The following FMN1 variants were observed in gnomAD, a reference collection of about 807,000 sequenced individuals.
FMN1 encodes formin 1.
FMN1 carries 110 observed loss-of-function variants against 132.4 expected under a neutral mutation model. The ratio of observed to expected loss-of-function variants is 0.83; its 90% CI spans 0.71 to 0.97. The LOEUF (loss-of-function observed/expected upper bound fraction) is 0.97. Among genes scored for constraint, FMN1 ranks in the 50% least tolerant of loss-of-function variants. FMN1 has a pLI of 0.00. For missense variants in FMN1, 1,792 were observed against 1,705.3 expected (o/e 1.05, Z -0.90); for synonymous variants, 722 against 651.7 (o/e 1.11, Z -1.64).
chr15:32,882,137 C>T (rs2059785953), intron 16 of FMN1, among the ~76,000 whole-genome samples: 1 of 152,112 alleles, frequency 6.6e-6, no homozygotes, highest in Non-Finnish European at 1.5e-5. Flanking sequence ...GAATTCAATC[C>T]AATTTTTATC....
At chr15:32,811,526 A>G (rs114958460) in intron 17 of FMN1, among the ~76,000 whole-genome samples, 2,377 of 150,016 alleles carry the variant, frequency 0.016, 64 homozygotes, top group African/African-American at 0.057. Flanking sequence ...AGGTCTTCAG[A>G]GTCATAAAAT....
At chr15:33,026,271 G>A (rs1036322018) in intron 6 of FMN1, among the ~76,000 whole-genome samples, 1 of 151,990 alleles carries the variant, frequency 6.6e-6, no homozygotes, top group Non-Finnish European at 1.5e-5. Flanking sequence ...CTCAACACTG[G>A]TTTTAAAAAT....
intron 19 of FMN1, among the ~76,000 whole-genome samples, chr15:32,795,270 C>T (rs1369261419): frequency 2.0e-5 from 3 of 152,054 alleles, no homozygotes; most frequent in South Asian, 2.1e-4. Flanking sequence ...AGATGTTTAC[C>T]GATTTCAAGA....
chr15:32,984,978 CAAAAAAAAA>C (rs11330959), intron 7 of FMN1, among the ~76,000 whole-genome samples: 15 of 97,246 alleles, frequency 1.5e-4, no homozygotes, highest in African/African-American at 3.7e-4. Context: ...CATCCATCAC[CAAAAAAAAA>C]AAAAAAAAAA....
intron 16 of FMN1, among the ~76,000 whole-genome samples, chr15:32,857,657 C>T (rs1461121688): frequency 6.6e-6 from 1 of 152,170 alleles, no homozygotes; most frequent in Non-Finnish European, 1.5e-5. Flanking sequence ...TCCCGTTCAC[C>T]TACCCTTCCT....
Position 32,964,095 on chromosome 15 carries a change from A to G in FMN1, c.3138+12T>C. The G allele has an allele frequency of 6.2e-7, 1 of 1,603,018 alleles. No individual in the cohort carries two copies. Among genetic ancestry groups the G allele is most frequent in the Non-Finnish European group, 8.5e-7 (1 of 1,173,066 alleles). On this transcript the variant is annotated intron_variant, in intron 9 of 20. Transcript: ENST00000616417. The stretch of plus-strand genomic sequence containing the variant: ...AATATATAATTACAGCTTTGCCATA[A>G]TCACTCAGTACCTTTTTGACCTTGT...
intron 16 of FMN1, among the ~76,000 whole-genome samples, chr15:32,863,549 A>G (rs769110341): frequency 2.3e-4 from 35 of 152,372 alleles, no homozygotes; most frequent in Middle Eastern, 3.4e-3. Flanking sequence ...TCAGCAAAAG[A>G]AACAGACTAA....
chr15:32,912,510 G>A (rs1189367902), intron 10 of FMN1, among the ~76,000 whole-genome samples: 1 of 152,154 alleles, frequency 6.6e-6, no homozygotes, highest in East Asian at 1.9e-4. Context: ...TCTGGGGACA[G>A]AAAATAAACA....
At chr15:33,016,950 G>A (rs1406114026) in intron 6 of FMN1, among the ~76,000 whole-genome samples, 1 of 152,160 alleles carries the variant, frequency 6.6e-6, no homozygotes, top group Non-Finnish European at 1.5e-5. Context: ...AGCTTGAGAG[G>A]CCTGTCTCGC....
intron 16 of FMN1, among the ~76,000 whole-genome samples, chr15:32,857,588 C>T (rs752335360): frequency 1.3e-5 from 2 of 152,166 alleles, no homozygotes; most frequent in Admixed American, 1.3e-4. Context: ...GGGTGACACA[C>T]GCATCCCAAC....
At chr15:32,908,042 T>C (rs1193781316) in intron 12 of FMN1, 2 of 159,936 alleles carry the variant, frequency 1.3e-5, no homozygotes, top group Non-Finnish European at 2.8e-5. Flanking sequence ...GCAGAGCAGG[T>C]GGAGAAGTTT....
At chr15:33,072,965 G>C (rs544412523) in intron 5 of FMN1, among the ~76,000 whole-genome samples, 1 of 151,760 alleles carries the variant, frequency 6.6e-6, no homozygotes, top group East Asian at 1.9e-4. Context: ...TCTAGTAAGT[G>C]TATACCTAGT....
chr15:32,941,268 T>C (rs1035466965), intron 9 of FMN1, among the ~76,000 whole-genome samples: 1 of 152,024 alleles, frequency 6.6e-6, no homozygotes, highest in African/African-American at 2.4e-5. Context: ...TACTGGAGAG[T>C]GTAAGTATTT....
intron 6 of FMN1, among the ~76,000 whole-genome samples, chr15:33,033,760 T>C (rs2036060110): frequency 6.6e-6 from 1 of 152,022 alleles, no homozygotes; most frequent in Non-Finnish European, 1.5e-5. Context: ...CACTCCAAAT[T>C]AAACTTTTAT....
chr15:33,134,269 A>G (rs1963668658), intron 4 of FMN1, among the ~76,000 whole-genome samples: 1 of 152,146 alleles, frequency 6.6e-6, no homozygotes, highest in Non-Finnish European at 1.5e-5. Context: ...TTTAAGTGGG[A>G]TTATAGAAAA....
chr15:33,016,423 G>A (rs774662356), intron 6 of FMN1, among the ~76,000 whole-genome samples: 2 of 152,176 alleles, frequency 1.3e-5, no homozygotes, highest in African/African-American at 4.8e-5. Context: ...TGGTCTTGGG[G>A]CCCTGCGAGT....
At chr15:33,008,844 A>G (rs1371151672) in intron 6 of FMN1, among the ~76,000 whole-genome samples, 3 of 152,188 alleles carry the variant, frequency 2.0e-5, no homozygotes, top group Non-Finnish European at 4.4e-5. Context: ...ACCACAAGAC[A>G]AAAATGCTAT....
chr15:33,123,619 G>A lies in FMN1; in HGVS notation c.1867+29429C>T, dbSNP rs567326667. On this transcript the variant is annotated intron_variant, in intron 4 of 20. Coordinates refer to ENST00000616417, the MANE Select transcript of FMN1 (RefSeq NM_001277313.2). ...TGGGGGTACAGGTTATATAGTGAGG[G>A]TTGTTGATCAAACAGCTAGCTATTT... 5.6e-4 allele frequency among the ~76,000 whole-genome samples: 85 copies of A among 152,296 alleles called. 1 individual carries two copies. The highest frequency in any genetic ancestry group is 1.9e-3 in the African/African-American group (80 of 41,572).
intron 17 of FMN1, 98 bp from the exon 18 acceptor site, chr15:32,804,430 CTGAATTCGGGGGGGG>C: frequency 1.1e-4 from 1 of 9,118 alleles, no homozygotes; most frequent in Admixed American, 2.4e-3. Flanking sequence ...CACAGGAGGT[CTGAATTCGGGGGGGG>C]GGGGGGGGGG....
Sources: allele counts gnomAD v4.1 joint callset (sites outside exome capture counted in the v4.1 genomes callset), GRCh38; gene constraint gnomAD v4.1.1; transcripts MANE v1.5; gene names NCBI Gene and HGNC (gene_info 2026-07-23, HGNC 2026-07-21).